Variants in ZNF518A observed in about 807,000 individuals in gnomAD.
ZNF518A encodes the protein zinc finger protein 518.
In ZNF518A, 47 loss-of-function variants were observed where a neutral mutation model predicts 102.7. The ratio of observed to expected loss-of-function variants is 0.46; its 90% CI spans 0.36 to 0.58. ZNF518A has a LOEUF of 0.58. Among genes scored for constraint, ZNF518A ranks in the 20% least tolerant of loss-of-function variants. The pLI is 0.00. For missense variants in ZNF518A, 1,793 were observed against 1,699.8 expected (o/e 1.05, Z -0.96); for synonymous variants, 652 against 594.6 (o/e 1.10, Z -1.40).
At chr10:96,142,213 G>T (rs1554876781) in intron 3 of ZNF518A, among the ~76,000 whole-genome samples, 1 of 151,676 alleles carries the variant, frequency 6.6e-6, no homozygotes, top group East Asian at 1.9e-4. Context: ...GCAAAAAAAA[G>T]TAAGCCCAAA....
rs1564768971 is a variant in ZNF518A at position 96,156,648 on chromosome 10, G to T, written c.326G>T (p.Gly109Val). ...LHKSERAEEE[G>V]VKMSAKILNF... The stretch of plus-strand genomic sequence containing the variant: ...AAGTCTGAGAGAGCTGAAGAAGAGG[G>T]TGTAAAAATGTCTGCAAAAATACTC... Residue 109 changes from glycine to valine, a missense_variant, in exon 6 of 6, where the codon GGT (glycine) becomes GTT (valine). Gly to Val is a moderately radical substitution (Grantham distance 109). Coordinates refer to ENST00000316045, the MANE Select transcript of ZNF518A (RefSeq NM_001330736.2). The T allele has an allele frequency of 6.2e-7, 1 of 1,613,824 alleles. No individual in the cohort carries two copies. Among genetic ancestry groups the T allele is most frequent in the Non-Finnish European group, 8.5e-7 (1 of 1,179,786 alleles).
intron 1 of ZNF518A, among the ~76,000 whole-genome samples, chr10:96,202,975 C>T (rs1179781210): frequency 6.6e-6 from 1 of 152,214 alleles, no homozygotes; most frequent in Non-Finnish European, 1.5e-5. Context: ...TACTCTCTGC[C>T]ACCCACCCCT....
intron 1 of ZNF518A, among the ~76,000 whole-genome samples, chr10:96,196,709 T>C (rs1265759673): frequency 1.3e-5 from 2 of 152,222 alleles, no homozygotes; most frequent in Non-Finnish European, 2.9e-5. Context: ...GTACATCACA[T>C]GACTTTTTCC....
At chr10:96,179,182 T>G (rs1180399984) in intron 1 of ZNF518A, among the ~76,000 whole-genome samples, 1 of 152,076 alleles carries the variant, frequency 6.6e-6, no homozygotes, top group Admixed American at 6.6e-5. Context: ...CAGCAATATA[T>G]AAAATGGATA....
chr10:96,140,905 C>A (rs1457223486), intron 3 of ZNF518A, among the ~76,000 whole-genome samples: 1 of 152,088 alleles, frequency 6.6e-6, no homozygotes, highest in Non-Finnish European at 1.5e-5. Flanking sequence ...TGTGCCATTG[C>A]AGCACTTCAG....
In ZNF518A at chr10:96,200,708, A is replaced by G. The variant is rs1457743467; in HGVS notation, n.36-2866A>G. 1.3e-5 allele frequency among the ~76,000 whole-genome samples: 2 copies of G among 152,248 alleles called. No homozygotes were observed. The highest frequency in any genetic ancestry group is 3.8e-4 in the East Asian group (2 of 5,204). ...TCTACAGATCTATTTGGAGGAAATT[A>G]CAAAGTTTAAATAAAATCTATGTGA... On this transcript the variant is annotated intron_variant and non_coding_transcript_variant, in intron 1 of 2. Transcript: ENST00000442635. This position sits in a 1 kb window ranked among gnomAD's most constrained non-coding sequence, Gnocchi z 4.3.
chr10:96,154,091 T>G (rs2082579036), intron 3 of ZNF518A, among the ~76,000 whole-genome samples: 1 of 152,194 alleles, frequency 6.6e-6, no homozygotes, highest in Non-Finnish European at 1.5e-5. Flanking sequence ...GATTTAGTAA[T>G]ACTATTTTCT....
rs112957029 is a variant in ZNF518A at position 96,186,645 on chromosome 10, C to T, written n.36-16929C>T. On this transcript the variant is annotated intron_variant and non_coding_transcript_variant, in intron 1 of 2. Coordinates refer to the ZNF518A transcript ENST00000442635. ...TCTCTTGACCTCATGATTCGCCTGC[C>T]TTGGCCTCCCAAAGTGCTGGGATTA... Among the ~76,000 whole-genome samples the T allele has an allele frequency of 4.0e-4, 61 of 152,342 alleles. 2 individuals carry two copies. The highest frequency in any genetic ancestry group is 1.4e-3 in the African/African-American group (57 of 41,584).
At chr10:96,150,352 A>T (rs1442527950) in intron 3 of ZNF518A, among the ~76,000 whole-genome samples, 5 of 130,974 alleles carry the variant, frequency 3.8e-5, no homozygotes, top group Non-Finnish European at 8.4e-5. Flanking sequence ...AAAAAAAAAA[A>T]TTGATGTCTG....
intron 3 of ZNF518A, among the ~76,000 whole-genome samples, chr10:96,152,855 T>C (rs1311737918): frequency 6.6e-6 from 1 of 152,226 alleles, no homozygotes; most frequent in African/African-American, 2.4e-5. Flanking sequence ...ATTAGGTTCA[T>C]TGTTGGCCAA....
At position 96,160,438 on chromosome 10, in the gene ZNF518A, A is replaced by T; in HGVS notation, c.4116A>T (p.Gly1372=). 6.2e-7 allele frequency: 1 copy of T among 1,613,446 alleles called. No homozygotes were observed. Among genetic ancestry groups the T allele is most frequent in the Non-Finnish European group, 8.5e-7 (1 of 1,179,596 alleles). The change falls in exon 6 of 6, where the codon GGA becomes GGT. Residue 1372 remains glycine (G), a synonymous_variant. Transcript: ENST00000316045. ...SVMKTIAKFN[G]HVLKVSLSKR... is the part of the protein sequence containing the mutation. ...TGAAAACTATTGCTAAATTTAATGG[A>T]CATGTACTTAAGGTTTCATTGTCAA...
At chr10:96,191,485 C>T (rs1591284985) in intron 1 of ZNF518A, among the ~76,000 whole-genome samples, 1 of 152,058 alleles carries the variant, frequency 6.6e-6, no homozygotes, top group Non-Finnish European at 1.5e-5. Context: ...GGAACCATTA[C>T]ATCCTTCTTG....
In ZNF518A at chr10:96,158,406, G is replaced by A. The variant is rs1554884621; in HGVS notation, c.2084G>A (p.Ser695Asn). The change falls in exon 6 of 6, where the codon AGC (serine) becomes AAC (asparagine). Residue 695 changes from serine to asparagine, a missense_variant. Ser to Asn is a conservative substitution (Grantham distance 46). This residue lies in a region of ZNF518A where 1,741 missense variants were observed against 1,622.6 expected (regional missense o/e 1.07). Coordinates refer to ENST00000316045, the MANE Select transcript of ZNF518A (RefSeq NM_001330736.2). ...AGGCAGGAGAGCTCAAAACCAGATA[G>A]CCTATTAGCATCTATTAGCCTTTTA... ...LVRQESSKPD[S>N]LLASISLLND... The A allele has an allele frequency of 4.3e-6, 7 of 1,613,500 alleles. No individual in the cohort carries two copies. The highest frequency in any genetic ancestry group is 5.1e-6 in the Non-Finnish European group (6 of 1,179,734).
Position 96,174,445 on chromosome 10 carries a change from C to G in ZNF518A, n.35+18398C>G, listed in dbSNP as rs186190473. Among the ~76,000 whole-genome samples, 799 of 152,070 alleles carry G rather than the reference C, an allele frequency of 5.3e-3. 6 individuals are homozygous for G. Among genetic ancestry groups the G allele is most frequent in the South Asian group, 0.013 (62 of 4,822 alleles). ...CTAGACTGGCCAAGAAAATAAGACTCAAATTACTAAAAACAGAATGAAAGA... is the reference window on the plus strand; with the variant it reads ...CTAGACTGGCCAAGAAAATAAGACTGAAATTACTAAAAACAGAATGAAAGA... On this transcript the variant is annotated intron_variant and non_coding_transcript_variant, in intron 1 of 2. Coordinates refer to the ZNF518A transcript ENST00000442635.
chr10:96,192,226 T>A, intron 1 of ZNF518A: 1 of 1,277,690 alleles, frequency 7.8e-7, no homozygotes, highest in Non-Finnish European at 1.1e-6. Context: ...CAAAAAAATC[T>A]AGTTTAACAA....
chr10:96,160,482 T>C lies in ZNF518A; in HGVS notation c.4160T>C (p.Leu1387Ser), dbSNP rs782195920. ...TTGTCAAAAAGAACTATAAATGCTT[T>C]ACTGAAACCAGTTTGTTATAACCCT... ...VSLSKRTINA[L>S]LKPVCYNPPK... The change falls in exon 6 of 6, where the codon TTA (leucine) becomes TCA (serine). Residue 1387 changes from leucine (L) to serine (S), a missense_variant. Around this residue, in one of 3 missense-constraint regions of ZNF518A, gnomAD observed 1,741 missense variants for 1,622.6 expected, o/e 1.07. Transcript: ENST00000316045. 1.2e-6 allele frequency: 2 copies of C among 1,613,200 alleles called. No individual in the cohort carries two copies. Among genetic ancestry groups the C allele is most frequent in the Non-Finnish European group, 1.7e-6 (2 of 1,179,594 alleles).
Position 96,159,377 on chromosome 10 carries a change from A to G in ZNF518A, c.3055A>G (p.Asn1019Asp), listed in dbSNP as rs1554885992. The G allele has an allele frequency of 6.2e-7, 1 of 1,613,820 alleles. No individual in the cohort carries two copies. Among genetic ancestry groups the G allele is most frequent in the Admixed American group, 1.7e-5 (1 of 59,982 alleles). ...AACACCTATTTTGAAGGTAGAACCA[A>G]ACAATAATTGTCTTACACCTGGACT... ...CKTPILKVEP[N>D]NNCLTPGLCS... is the part of the protein sequence containing the mutation. Residue 1019 changes from asparagine (N) to aspartate (D), a missense_variant, in exon 6 of 6, where the codon AAC becomes GAC. By Grantham distance (23) the Asn-to-Asp change is conservative (BLOSUM62 1). This residue lies in a region of ZNF518A where 1,741 missense variants were observed against 1,622.6 expected (regional missense o/e 1.07). Transcript: ENST00000316045.
chr10:96,139,041 C>G (rs1176510711), intron 3 of ZNF518A, among the ~76,000 whole-genome samples: 1 of 148,770 alleles, frequency 6.7e-6, no homozygotes, highest in African/African-American at 2.5e-5. Context: ...AAGGATGTAG[C>G]CTTTTGAAGA....
intron 3 of ZNF518A, among the ~76,000 whole-genome samples, chr10:96,150,200 G>C (rs1287379954): frequency 1.3e-5 from 2 of 151,768 alleles, no homozygotes; most frequent in African/African-American, 4.8e-5. Flanking sequence ...CAGGCGTGGT[G>C]GTGGGCTCCT....
Sources: allele counts gnomAD v4.1 joint callset (sites outside exome capture counted in the v4.1 genomes callset), GRCh38; gene constraint gnomAD v4.1.1; regional missense constraint gnomAD v4.1.1; non-coding constraint Gnocchi (gnomAD v3.1); transcripts MANE v1.5; gene names NCBI Gene and HGNC (gene_info 2026-07-23, HGNC 2026-07-21).